The following JAK2 variants were observed in gnomAD, a reference collection of about 807,000 sequenced individuals.
JAK2 encodes tyrosine-protein kinase JAK2.
Under a neutral mutation model 139.3 loss-of-function variants are expected in JAK2, and 86 were observed. The ratio of observed to expected loss-of-function variants is 0.62; its 90% confidence interval spans 0.52 to 0.74. The LOEUF is 0.74. JAK2 is among the 30% of genes least tolerant of loss of function. The pLI, the probability that JAK2 is intolerant of heterozygous loss-of-function variation, is 0.00. For synonymous variants in JAK2, 490 were observed against 437.7 expected (o/e 1.12, Z -1.49); for missense variants, 1,421 against 1,360.3 (o/e 1.04, Z -0.70).
intron 19 of JAK2, chr9:5,085,221 ACAGG>A: frequency 1.5e-6 from 1 of 668,224 alleles, no homozygotes; most frequent in South Asian, 1.4e-5. Context: ...GGAACTGCTG[ACAGG>A]CAAATAGGAC....
At chr9:5,037,953 T>A (rs538293516) in intron 4 of JAK2, among the ~76,000 whole-genome samples, 2 of 152,318 alleles carry the variant, frequency 1.3e-5, no homozygotes, top group African/African-American at 4.8e-5. Context: ...AAACAGTGTA[T>A]CCATTTAACA....
rs7869668 is a variant in JAK2, at chr9:5,069,837, G to A, written c.1514-88G>A. 0.52 allele frequency: 401,367 copies of A among 768,628 alleles called. 109,390 individuals are homozygous for A. Among genetic ancestry groups the A allele is most frequent in the African/African-American group, 0.88 (49,338 of 56,148 alleles). The allele number at this position is 768,628 out of a possible 1,614,324, so 47.6% of individuals were successfully genotyped here. On this transcript the variant is annotated intron_variant, in intron 11 of 24. Coordinates refer to ENST00000381652, the MANE Select transcript of JAK2 (RefSeq NM_004972.4). ...AGGAGTTATTAAGCATTTCTTATAC[G>A]TAGAACACATTTCATTTTACTCCTC...
rs930099775 is a variant in JAK2 at position 5,072,707 on chromosome 9, T to C, written c.1776+81T>C. On this transcript the variant is annotated intron_variant, in intron 13 of 24. Coordinates refer to ENST00000381652, the MANE Select transcript of JAK2 (RefSeq NM_004972.4). ...CATATGCATACAACGTACTCATGTG[T>C]GCAGCTTTTCAAAATTGTAATTTTT... 2.8e-6 allele frequency: 3 copies of C among 1,063,228 alleles called. No individual in the cohort carries two copies. In the African/African-American group the frequency reaches 4.9e-5, roughly 17 times the overall value. 65.9% of individuals were successfully genotyped at this position (1,063,228 alleles called of 1,614,324 possible).
chr9:5,038,254 C>T (rs1022636746), intron 4 of JAK2, among the ~76,000 whole-genome samples: 1 of 152,028 alleles, frequency 6.6e-6, no homozygotes, highest in Admixed American at 6.5e-5. Flanking sequence ...AAAGAAAGAA[C>T]AGAAAGTTTG....
In JAK2 at chr9:5,037,554, G is replaced by GT. The variant is rs534991563; in HGVS notation, c.351-6848dup. 3.7e-3 allele frequency among the ~76,000 whole-genome samples: 558 copies of GT among 152,314 alleles called. 4 individuals are homozygous for GT. The highest frequency in any genetic ancestry group is 0.013 in the African/African-American group (530 of 41,562). ...GAAAAATGATGAGTTCATGTCCTTT[G>GT]TAGGGACATGGATGAAGCTGGAAAC... On this transcript the variant is annotated intron_variant, in intron 4 of 24. Coordinates refer to ENST00000381652, the MANE Select transcript of JAK2 (RefSeq NM_004972.4).
At chr9:5,016,955 C>A (rs1822105471) in intron 2 of JAK2, among the ~76,000 whole-genome samples, 1 of 152,140 alleles carries the variant, frequency 6.6e-6, no homozygotes, top group South Asian at 2.1e-4. Flanking sequence ...AGACATGAAT[C>A]TTTAGATTAA....
At chr9:5,045,702 C>T (rs889490443) in intron 5 of JAK2, among the ~76,000 whole-genome samples, 2 of 152,270 alleles carry the variant, frequency 1.3e-5, no homozygotes, top group African/African-American at 4.8e-5. Flanking sequence ...TTTCACTTAG[C>T]ATAATGTCTG....
chr9:5,120,788 C>T (rs1453749305), intron 22 of JAK2, among the ~76,000 whole-genome samples: 1 of 152,132 alleles, frequency 6.6e-6, no homozygotes, highest in African/African-American at 2.4e-5. Flanking sequence ...GGTCATTAGA[C>T]ACTGGAGTGA....
At chr9:5,059,528 A>T (rs1225969232) in intron 8 of JAK2, among the ~76,000 whole-genome samples, 1 of 152,064 alleles carries the variant, frequency 6.6e-6, no homozygotes, top group Admixed American at 6.6e-5. Flanking sequence ...GAACATTCTT[A>T]TACATATTTT....
chr9:5,100,249 C>T (rs1402558941), intron 22 of JAK2: 2 of 152,188 alleles, frequency 1.3e-5, no homozygotes, highest in Non-Finnish European at 2.9e-5. Flanking sequence ...ACCCACCAAA[C>T]ACATGCTTGC....
intron 22 of JAK2, among the ~76,000 whole-genome samples, chr9:5,092,431 T>G (rs1820657144): frequency 6.6e-6 from 1 of 152,178 alleles, no homozygotes; most frequent in South Asian, 2.1e-4. Context: ...ACCCAAAGCA[T>G]CCAGCTTACA....
chr9:5,078,165 C>A, intron 15 of JAK2, 141 bp from the exon 16 acceptor site: 1 of 603,434 alleles, frequency 1.7e-6, no homozygotes, highest in South Asian at 2.9e-5. Context: ...CATAAATTTC[C>A]TTTTTTCTCA....
chr9:4,999,613 C>G (rs1047135157), intron 2 of JAK2, among the ~76,000 whole-genome samples: 3 of 152,142 alleles, frequency 2.0e-5, no homozygotes, highest in Non-Finnish European at 2.9e-5. Context: ...GCTTGAGGAG[C>G]AAGGAGAGCC....
chr9:5,042,445 C>A (rs886121818), intron 4 of JAK2, among the ~76,000 whole-genome samples: 1 of 152,112 alleles, frequency 6.6e-6, no homozygotes, highest in Non-Finnish European at 1.5e-5. Context: ...CCAAGACTGG[C>A]CAAAATTTCT....
intron 6 of JAK2, among the ~76,000 whole-genome samples, chr9:5,051,089 T>G (rs922272376): frequency 1.3e-5 from 2 of 152,134 alleles, no homozygotes; most frequent in African/African-American, 4.8e-5. Context: ...ATGTTGACGT[T>G]CAAAAAGTTC....
At chr9:5,014,463 T>G (rs1256375236) in intron 2 of JAK2, among the ~76,000 whole-genome samples, 1 of 152,218 alleles carries the variant, frequency 6.6e-6, no homozygotes, top group Non-Finnish European at 1.5e-5. Context: ...GGTTCTTACC[T>G]TCAAGAAACT....
intron 22 of JAK2, chr9:5,111,267 C>G: frequency 1.2e-5 from 6 of 493,454 alleles, no homozygotes; most frequent in South Asian, 1.1e-4. Flanking sequence ...CGTGCGCAGC[C>G]TGACTCAGGC....
intron 22 of JAK2, chr9:5,097,375 C>G (rs924362994): frequency 1.3e-4 from 19 of 151,900 alleles, no homozygotes; most frequent in African/African-American, 3.4e-4. Context: ...CTTTGGTCAC[C>G]CTGAAGTTTA....
rs763071761 is a variant in JAK2 at position 5,044,385 on chromosome 9, GT to G, written c.351-13del. 1 of 1,519,664 alleles carries G rather than the reference GT, an allele frequency of 6.6e-7. No homozygotes were observed. The highest frequency in any genetic ancestry group is 1.7e-5 in the Admixed American group (1 of 59,626). 94.1% of individuals were successfully genotyped at this position (1,519,664 alleles called of 1,614,324 possible). A position where few individuals can be genotyped will look rare whatever the true frequency, so the allele number is the denominator to read the frequency against. ...TGAACTATTTGGAAGCTGACCAAAT[GT>G]TTTTATTATCTTGTAGATTTTACTT... On this transcript the variant is annotated splice_polypyrimidine_tract_variant and intron_variant, in intron 4 of 24. Transcript: ENST00000381652.
Sources: gnomAD v4.1 joint callset for allele counts (sites outside exome capture counted in the v4.1 genomes callset) on GRCh38, gnomAD v4.1.1 for gene constraint, MANE v1.5 for transcripts, NCBI Gene and HGNC (gene_info 2026-07-23, HGNC 2026-07-21) for gene names.